Variants in CREB5 observed in about 807,000 individuals in gnomAD.
CREB5 encodes cAMP responsive element binding protein 5.
In CREB5, 19 loss-of-function variants were observed where a neutral mutation model predicts 57.1. The ratio of observed to expected loss-of-function variants is 0.33; its 90% CI spans 0.23 to 0.49. The LOEUF is 0.49. Ranked by LOEUF, CREB5 falls within the 20% of genes least tolerant of loss-of-function variation. The pLI is 0.99. For synonymous variants in CREB5, 238 were observed against 238.3 expected (o/e 1.00, Z 0.01); for missense variants, 579 against 671.6 (o/e 0.86, Z 1.52).
chr7:28,666,967 C>T (rs1799851670), intron 5 of CREB5, among the ~76,000 whole-genome samples: 1 of 151,772 alleles, frequency 6.6e-6, no homozygotes, highest in African/African-American at 2.4e-5. Flanking sequence ...AATGATTTCC[C>T]TAGTTATTTG....
chr7:28,369,058 A>AAAC (rs1325625839), intron 1 of CREB5, among the ~76,000 whole-genome samples: 1 of 151,978 alleles, frequency 6.6e-6, no homozygotes, highest in Middle Eastern at 3.2e-3. Flanking sequence ...AAAACAAAAC[A>AAAC]AACAAACAAA....
At chr7:28,757,479 T>C (rs1272730061) in intron 7 of CREB5, among the ~76,000 whole-genome samples, 2 of 152,082 alleles carry the variant, frequency 1.3e-5, no homozygotes, top group African/African-American at 4.8e-5. Flanking sequence ...GAGACCATCC[T>C]GGCTAACGCG....
At chr7:28,794,575 G>A (rs569231308) in intron 7 of CREB5, among the ~76,000 whole-genome samples, 1 of 152,196 alleles carries the variant, frequency 6.6e-6, no homozygotes, top group African/African-American at 2.4e-5. Flanking sequence ...AGCCGGAAAG[G>A]AACAGCGGAT....
At chr7:28,553,026 T>C (rs1288245682) in intron 4 of CREB5, among the ~76,000 whole-genome samples, 1 of 152,198 alleles carries the variant, frequency 6.6e-6, no homozygotes, top group Non-Finnish European at 1.5e-5. Context: ...CCCAGCTTTC[T>C]TCATGCCAAT....
intron 3 of CREB5, among the ~76,000 whole-genome samples, 170 bp downstream of exon 3, chr7:28,495,169 G>A (rs1791979455): frequency 6.6e-6 from 1 of 152,168 alleles, no homozygotes; most frequent in South Asian, 2.1e-4. Context: ...AGTGACTGAA[G>A]AGCGGCAACT....
intron 5 of CREB5, among the ~76,000 whole-genome samples, chr7:28,647,386 G>A (rs1267063874): frequency 6.6e-6 from 1 of 151,898 alleles, no homozygotes; most frequent in Non-Finnish European, 1.5e-5. Flanking sequence ...CCCCAAAAGA[G>A]GAAAGTAGAT....
chr7:28,769,578 T>G (rs1583703400), intron 7 of CREB5, among the ~76,000 whole-genome samples: 1 of 152,342 alleles, frequency 6.6e-6, no homozygotes, highest in African/African-American at 2.4e-5. Context: ...GTGTATGTCT[T>G]GTTGATGCTT....
chr7:28,590,393 C>G lies in CREB5; in HGVS notation c.464+19856C>G, dbSNP rs1583674244. On this transcript the variant is annotated intron_variant, in intron 5 of 10. Coordinates refer to ENST00000357727, the MANE Select transcript of CREB5 (RefSeq NM_182898.4). ...GTCCTTTGTAGGGACATGGATGAAGCTGGAAACCATCATTCTCAGCAAACT... is the reference window on the plus strand; with the variant it reads ...GTCCTTTGTAGGGACATGGATGAAGGTGGAAACCATCATTCTCAGCAAACT... 3.3e-5 allele frequency among the ~76,000 whole-genome samples: 5 copies of G among 151,748 alleles called. No individual in the cohort carries two copies. The East Asian group carries it at 9.8e-4, about 30-fold the overall frequency.
chr7:28,639,307 A>G (rs1798554939), intron 5 of CREB5, among the ~76,000 whole-genome samples: 1 of 152,206 alleles, frequency 6.6e-6, no homozygotes, highest in Admixed American at 6.5e-5. Context: ...AATTCCTTAA[A>G]ACAAATAGGC....
chr7:28,347,451 T>A (rs546626900), intron 1 of CREB5, among the ~76,000 whole-genome samples: 1 of 152,278 alleles, frequency 6.6e-6, no homozygotes, highest in South Asian at 2.1e-4. Flanking sequence ...CAAAAAATCT[T>A]TCCCCTTTAA....
At chr7:28,772,178 A>C (rs938604456) in intron 7 of CREB5, among the ~76,000 whole-genome samples, 1 of 152,232 alleles carries the variant, frequency 6.6e-6, no homozygotes, top group Non-Finnish European at 1.5e-5. Context: ...TGAATTTGGC[A>C]GAATCTCTCT....
intron 1 of CREB5, among the ~76,000 whole-genome samples, chr7:28,301,181 G>C (rs1435537781): frequency 6.6e-6 from 1 of 152,186 alleles, no homozygotes; most frequent in East Asian, 1.9e-4. Context: ...GTTCAGGTTG[G>C]TGTGACGTCA....
upstream of CREB5, among the ~76,000 whole-genome samples, chr7:28,409,148 C>G (rs1022903654): frequency 6.6e-6 from 1 of 151,644 alleles, no homozygotes; most frequent in Non-Finnish European, 1.5e-5. The surrounding 1 kb of genome is among the most constrained non-coding windows in gnomAD (Gnocchi z 4.4). Flanking sequence ...CAGTCGCCCC[C>G]GCCGCTGCCG....
At chr7:28,302,913 C>G (rs951759385) in intron 1 of CREB5, among the ~76,000 whole-genome samples, 2 of 152,124 alleles carry the variant, frequency 1.3e-5, no homozygotes, top group Non-Finnish European at 2.9e-5. Context: ...AAAAGCAATG[C>G]TGTTCACAGA....
intron 7 of CREB5, among the ~76,000 whole-genome samples, chr7:28,738,049 C>A (rs1804127265): frequency 6.6e-6 from 1 of 152,014 alleles, no homozygotes; most frequent in South Asian, 2.1e-4. Flanking sequence ...TAACATTAAA[C>A]CTGTTAATGT....
At chr7:28,607,152 C>A (rs1339244733) in intron 5 of CREB5, among the ~76,000 whole-genome samples, 1 of 152,168 alleles carries the variant, frequency 6.6e-6, no homozygotes, top group Non-Finnish European at 1.5e-5. Flanking sequence ...CTACTTCTTA[C>A]TTCTATGAGA....
intron 1 of CREB5, among the ~76,000 whole-genome samples, chr7:28,437,897 G>T (rs961798999): frequency 1.3e-5 from 2 of 152,110 alleles, no homozygotes; most frequent in Non-Finnish European, 2.9e-5. Context: ...CAGAAAAGAC[G>T]ATGGAGACAT....
At chr7:28,722,403 C>G (rs1306724226) in intron 6 of CREB5, among the ~76,000 whole-genome samples, 6 of 152,182 alleles carry the variant, frequency 3.9e-5, no homozygotes, top group African/African-American at 1.4e-4. Context: ...ACTATTCCAG[C>G]TCTCCCATCC....
chr7:28,344,082 T>G (rs1785989602), intron 1 of CREB5, among the ~76,000 whole-genome samples: 1 of 152,064 alleles, frequency 6.6e-6, no homozygotes, highest in Non-Finnish European at 1.5e-5. Flanking sequence ...GAGTTCATTA[T>G]ATGTTCTGGA....
Sources: allele counts gnomAD v4.1 joint callset (sites outside exome capture counted in the v4.1 genomes callset), GRCh38; gene constraint gnomAD v4.1.1; non-coding constraint Gnocchi (gnomAD v3.1); transcripts MANE v1.5; gene names NCBI Gene and HGNC (gene_info 2026-07-23, HGNC 2026-07-21).